The following FANCE variants were observed in gnomAD, a reference collection of about 807,000 sequenced individuals.
FANCE encodes Fanconi anemia group E protein.
Under a neutral mutation model 57.8 loss-of-function variants are expected in FANCE, and 42 were observed. The observed-to-expected ratio is 0.73, with a 90% CI of 0.57 to 0.94. The LOEUF (loss-of-function observed/expected upper bound fraction) is 0.94, where lower values mean the gene tolerates loss of function less well. FANCE is among the 40% of genes least tolerant of loss of function. FANCE has a pLI of 0.00. For missense variants in FANCE, 608 were observed against 661.8 expected (o/e 0.92, Z 0.89); for synonymous variants, 251 against 286.4 (o/e 0.88, Z 1.25).
At chr6:35,466,188 G>A (rs1041047141) in intron 9 of FANCE, 56 bp from the exon 10 acceptor site, 4 of 1,126,096 alleles carry the variant, frequency 3.6e-6, no homozygotes, top group Middle Eastern at 3.9e-4. Flanking sequence ...TGGGGTAGTC[G>A]GGAGACGGGA....
In FANCE at chr6:35,452,735, C is replaced by T; in HGVS notation, c.190C>T (p.Leu64Phe). 3 of 1,260,402 alleles carry T rather than the reference C, an allele frequency of 2.4e-6. No individual in the cohort carries two copies. Among genetic ancestry groups the T allele is most frequent in the Non-Finnish European group, 2.0e-6 (2 of 1,001,010 alleles). The allele number at this position is 1,260,402 out of a possible 1,614,324, so 78.1% of individuals were successfully genotyped here. ...GWEPFDWGRL[L>F]EALCREEPVV... ...GGAGCCCTTCGACTGGGGTCGCTTG[C>T]TCGAGGCCCTGTGCCGGGAGGAGCC... The change falls in exon 1 of 10, where the codon CTC becomes TTC. Residue 64 changes from leucine (L) to phenylalanine (F), a missense_variant. By Grantham distance (22) the Leu-to-Phe change is conservative. Transcript: ENST00000229769.
At chr6:35,461,606 A>G (rs1475386213) in intron 8 of FANCE, among the ~76,000 whole-genome samples, 2 of 151,254 alleles carry the variant, frequency 1.3e-5, no homozygotes, top group African/African-American at 4.9e-5. Context: ...CAGTACCTGA[A>G]ATTCTGCCTC....
rs867135385 is a variant in FANCE at position 35,460,262 on chromosome 6, C to T, written c.1317-290C>T. 5.3e-5 allele frequency among the ~76,000 whole-genome samples: 8 copies of T among 152,248 alleles called. No homozygotes were observed. In the South Asian group the frequency reaches 1.7e-3, roughly 32 times the overall value. On this transcript the variant is annotated intron_variant, in intron 7 of 9. Coordinates refer to ENST00000229769, the MANE Select transcript of FANCE (RefSeq NM_021922.3). ...TCCTGAGTAGTTGGGATTACAGGAC[C>T]CACCACCAAGCCTGGTTAATTTTAT...
Position 35,452,452 on chromosome 6 carries a change from C to A in FANCE, c.-94C>A. 8.7e-7 allele frequency: 1 copy of A among 1,155,784 alleles called. No homozygotes were observed. The allele number at this position is 1,155,784 out of a possible 1,614,324, so 71.6% of individuals were successfully genotyped here. A position where few individuals can be genotyped will look rare whatever the true frequency, so the allele number is the denominator to read the frequency against. Reference sequence around the variant, plus strand: ...CGCTGGAGCTGGCCCGCCACCGCCGCGTCAGGGACGGCGCTGGAGTCCTCC... The same window carrying A: ...CGCTGGAGCTGGCCCGCCACCGCCGAGTCAGGGACGGCGCTGGAGTCCTCC... On this transcript the variant is annotated 5_prime_UTR_variant, in exon 1 of 10. Transcript: ENST00000229769.
rs185230199 is a variant in FANCE, at chr6:35,458,396, C to T, written c.1069C>T (p.Leu357Phe). The change falls in exon 5 of 10, where the codon CTC (leucine) becomes TTC (phenylalanine). Residue 357 changes from leucine to phenylalanine, a missense_variant. By Grantham distance (22) the Leu-to-Phe change is conservative (BLOSUM62 0). Coordinates refer to ENST00000229769, the MANE Select transcript of FANCE (RefSeq NM_021922.3). ...WLLALSPDLS[L>F]SNATVLTRSL... ...GCTGGCCCTTTCACCTGATCTCAGC[C>T]TCAGCAATGCTACTGTGCTGACCAG... is the stretch of plus-strand genomic sequence containing the variant. 3.3e-5 allele frequency: 53 copies of T among 1,614,178 alleles called. No individual in the cohort carries two copies. The Admixed American group carries it at 3.3e-4, about 10-fold the overall frequency.
Position 35,452,805 on chromosome 6 carries a change from C to T in FANCE, c.248+12C>T. The stretch of plus-strand genomic sequence containing the variant: ...GGCCGTCTGGAGCTGTAAGTCCTCG[C>T]CCGCGGCCCCTTAGCAGGTATGGGA... On this transcript the variant is annotated intron_variant, in intron 1 of 9. Coordinates refer to ENST00000229769, the MANE Select transcript of FANCE (RefSeq NM_021922.3). 7 of 1,314,412 alleles carry T rather than the reference C, an allele frequency of 5.3e-6. No homozygotes were observed. The highest frequency in any genetic ancestry group is 2.0e-5 in the South Asian group (1 of 49,260). The allele number at this position is 1,314,412 out of a possible 1,614,324, so 81.4% of individuals were successfully genotyped here.
At chr6:35,458,689 G>C (rs1235327156) in intron 5 of FANCE, among the ~76,000 whole-genome samples, 1 of 151,842 alleles carries the variant, frequency 6.6e-6, no homozygotes, top group Non-Finnish European at 1.5e-5. Context: ...GCCTAGGCTG[G>C]AGTGCAGCAG....
chr6:35,464,824 C>T (rs970778070), intron 9 of FANCE, among the ~76,000 whole-genome samples: 72 of 149,570 alleles, frequency 4.8e-4, no homozygotes, highest in African/African-American at 1.5e-3. Flanking sequence ...GCTCCGCCTC[C>T]TGGGTTCACG....
chr6:35,458,571 C>G (rs1767448889), intron 5 of FANCE, 131 bp downstream of exon 5: 1 of 1,137,082 alleles, frequency 8.8e-7, no homozygotes, highest in Non-Finnish European at 1.3e-6. Context: ...CAGCCTGGGG[C>G]AAGGAAAGGA....
Position 35,466,374 on chromosome 6 carries a change from GCTCC to G in FANCE, c.*30_*33del. 7.3e-7 allele frequency: 1 copy of G among 1,376,492 alleles called. No individual in the cohort carries two copies. Among genetic ancestry groups the G allele is most frequent in the Non-Finnish European group, 1.0e-6 (1 of 963,328 alleles). The allele number at this position is 1,376,492 out of a possible 1,614,324, so 85.3% of individuals were successfully genotyped here. ...TCCACCAAGGGACCACCCTCTTGGT[GCTCC>G]ATCACCAGCTTCCTGAAGGGCATTT... On this transcript the variant is annotated 3_prime_UTR_variant, in exon 10 of 10. Transcript: ENST00000229769.
In FANCE at chr6:35,466,458, C is replaced by T; in HGVS notation, c.*113C>T. On this transcript the variant is annotated 3_prime_UTR_variant, in exon 10 of 10. Transcript: ENST00000229769. The stretch of plus-strand genomic sequence containing the variant: ...GCCTGAGGATAAAGGCTGAGCCTGG[C>T]CATCCCAGATTGCAACTGCCTCCCT... 2 of 785,394 alleles carry T rather than the reference C, an allele frequency of 2.5e-6. No homozygotes were observed. The highest frequency in any genetic ancestry group is 4.5e-6 in the Non-Finnish European group (2 of 443,600). The allele number at this position is 785,394 out of a possible 1,614,324, so 48.7% of individuals were successfully genotyped here.
At chr6:35,455,498 A>G (rs1767287560) in intron 1 of FANCE, among the ~76,000 whole-genome samples, 1 of 151,776 alleles carries the variant, frequency 6.6e-6, no homozygotes, top group African/African-American at 2.4e-5. Context: ...TTTAGTAGAG[A>G]CGGAGTTTCA....
intron 6 of FANCE, 81 bp from the exon 7 acceptor site, chr6:35,459,601 G>A: frequency 6.4e-7 from 1 of 1,567,762 alleles, no homozygotes; most frequent in Non-Finnish European, 8.8e-7. Flanking sequence ...AACAGGCTGG[G>A]CATTCTGTTA....
At chr6:35,457,736 G>T in intron 3 of FANCE, 136 bp downstream of exon 3, 1 of 1,133,044 alleles carries the variant, frequency 8.8e-7, no homozygotes. Context: ...TCTGAGGACA[G>T]TCTCTGAAGG....
At chr6:35,460,517 G>C (rs1165808590) in intron 7 of FANCE, 35 bp from the exon 8 acceptor site, 20 of 1,602,758 alleles carry the variant, frequency 1.2e-5, no homozygotes, top group Non-Finnish European at 1.6e-5. Flanking sequence ...TGGGTGGGAG[G>C]CCAGGCATTT....
At position 35,466,619 on chromosome 6, in the gene FANCE, CA is replaced by C. The variant is rs1422082342; in HGVS notation, c.*275del. The C allele has an allele frequency of 1.1e-5, 5 of 465,666 alleles. No homozygotes were observed. The highest frequency in any genetic ancestry group is 3.9e-5 in the African/African-American group (2 of 51,368). The allele number at this position is 465,666 out of a possible 1,614,324, so 28.8% of individuals were successfully genotyped here. On this transcript the variant is annotated 3_prime_UTR_variant, in exon 10 of 10. Coordinates refer to ENST00000229769, the MANE Select transcript of FANCE (RefSeq NM_021922.3). ...TTGCTCTGTCATCCAGGCTGGAGTG[CA>C]GTGATGCGATTGATCATGGCTCACT...
intron 5 of FANCE, among the ~76,000 whole-genome samples, chr6:35,458,848 T>C (rs1429837781): frequency 5.9e-5 from 9 of 152,172 alleles, no homozygotes; most frequent in Admixed American, 5.9e-4. Context: ...TGGTGCAATC[T>C]TGGCTCACTG....
rs2150896659 is a variant in FANCE at position 35,459,439 on chromosome 6, C to T, written c.1222C>T (p.Gln408Ter). The T allele has an allele frequency of 6.2e-7, 1 of 1,614,112 alleles. No individual in the cohort carries two copies. The highest frequency in any genetic ancestry group is 1.1e-5 in the South Asian group (1 of 91,078). ...VCSALLDPVL[Q>*]APGTGPAQTE... ...CAGCGCCCTCCTTGACCCTGTGCTC[C>T]AGGCCCCAGGCACAGGTAATTCTGG... Residue 408 changes from glutamine to a stop codon, truncating the protein, a stop_gained, in exon 6 of 10, where the codon CAG (glutamine) becomes TAG (stop). Coordinates refer to ENST00000229769, the MANE Select transcript of FANCE (RefSeq NM_021922.3). LOFTEE classifies it high-confidence loss of function.
chr6:35,462,819 T>C lies in FANCE; in HGVS notation c.1414T>C (p.Leu472=). 6.2e-7 allele frequency: 1 copy of C among 1,614,156 alleles called. No individual in the cohort carries two copies. Among genetic ancestry groups the C allele is most frequent in the Non-Finnish European group, 8.5e-7 (1 of 1,180,000 alleles). ...GATGACCCCTGAGAAGTTCAGTGTC[T>C]TAATGGAGAAGCTCTGTAAAAAGGG... The part of the protein sequence containing the change: ...VEMTPEKFSV[L]MEKLCKKGLA... Residue 472 remains leucine (L), a synonymous_variant, in exon 9 of 10, where the codon TTA becomes CTA. Coordinates refer to ENST00000229769, the MANE Select transcript of FANCE (RefSeq NM_021922.3).
Sources: allele counts gnomAD v4.1 joint callset (sites outside exome capture counted in the v4.1 genomes callset), GRCh38; gene constraint gnomAD v4.1.1; transcripts MANE v1.5; gene names NCBI Gene and HGNC (gene_info 2026-07-23, HGNC 2026-07-21).